The following SERGEF variants were observed in gnomAD, a reference collection of about 807,000 sequenced individuals.
SERGEF encodes the protein secretion-regulating guanine nucleotide exchange factor.
Under a neutral mutation model 50.0 loss-of-function variants are expected in SERGEF, and 51 were observed. The ratio of observed to expected loss-of-function variants is 1.02; its 90% confidence interval spans 0.81 to 1.29. The LOEUF is 1.29. Ranked by LOEUF, SERGEF falls within the 50% of genes most tolerant of loss-of-function variation. SERGEF has a pLI of 0.00. For synonymous variants in SERGEF, 205 were observed against 212.4 expected (o/e 0.97, Z 0.30); for missense variants, 521 against 557.0 (o/e 0.94, Z 0.65).
chr11:17,989,331 A>G (rs963381127), intron 7 of SERGEF, among the ~76,000 whole-genome samples: 1 of 152,212 alleles, frequency 6.6e-6, no homozygotes, highest in Non-Finnish European at 1.5e-5. Context: ...ATTTAACAGA[A>G]AGAGAACAAA....
rs114217292 is a variant in SERGEF, at chr11:17,823,195, C to T, written c.1049-34782G>A. Reference sequence around the variant, plus strand: ...TAGGATGTCCCTCAATTGAGTTTTTCTGATGTTTTACTCATAGTTAGACTG... The same window carrying T: ...TAGGATGTCCCTCAATTGAGTTTTTTTGATGTTTTACTCATAGTTAGACTG... On this transcript the variant is annotated intron_variant, in intron 10 of 10. Coordinates refer to ENST00000265965, the MANE Select transcript of SERGEF (RefSeq NM_012139.4). 7.5e-3 allele frequency among the ~76,000 whole-genome samples: 1,140 copies of T among 152,278 alleles called. 20 individuals are homozygous for T. Among genetic ancestry groups the T allele is most frequent in the African/African-American group, 0.026 (1,083 of 41,552 alleles).
chr11:18,007,870 G>T, intron 2 of SERGEF, 71 bp downstream of exon 2: 2 of 1,407,950 alleles, frequency 1.4e-6, no homozygotes, highest in South Asian at 1.4e-5. Flanking sequence ...GCTGAAAGAT[G>T]GCAATATCAT....
At chr11:17,992,862 T>C (rs369680261) in intron 7 of SERGEF, 69 bp downstream of exon 7, 89 of 1,295,554 alleles carry the variant, frequency 6.9e-5, no homozygotes, top group Admixed American at 1.2e-4. Context: ...TATTTCAATA[T>C]CACCACTTCA....
chr11:17,848,228 A>G (rs1850649461), intron 10 of SERGEF, among the ~76,000 whole-genome samples: 1 of 152,188 alleles, frequency 6.6e-6, no homozygotes, highest in South Asian at 2.1e-4. Context: ...CAAGTTACAA[A>G]TTTTATAGAA....
chr11:17,844,536 G>A (rs1452967999), intron 10 of SERGEF, among the ~76,000 whole-genome samples: 1 of 152,184 alleles, frequency 6.6e-6, no homozygotes, highest in Non-Finnish European at 1.5e-5. Flanking sequence ...CAAGGTACTG[G>A]TTCCCAGACT....
chr11:17,894,926 C>T (rs1173878351), intron 9 of SERGEF, among the ~76,000 whole-genome samples: 1 of 152,176 alleles, frequency 6.6e-6, no homozygotes, highest in Non-Finnish European at 1.5e-5. Context: ...GGAAAAGTTC[C>T]CTGGGTGATG....
At chr11:17,861,654 G>A (rs1850928754) in intron 10 of SERGEF, among the ~76,000 whole-genome samples, 1 of 152,260 alleles carries the variant, frequency 6.6e-6, no homozygotes, top group Admixed American at 6.5e-5. Flanking sequence ...GTGCCGCAAG[G>A]GCTACACTGT....
At chr11:17,855,295 T>C (rs1850797878) in intron 10 of SERGEF, 1 of 152,170 alleles carries the variant, frequency 6.6e-6, no homozygotes, top group Admixed American at 6.6e-5. Flanking sequence ...TTAAGGTAAT[T>C]TAAATTTCAT....
intron 9 of SERGEF, among the ~76,000 whole-genome samples, chr11:17,911,007 G>C (rs1851942188): frequency 6.6e-6 from 1 of 152,132 alleles, no homozygotes; most frequent in African/African-American, 2.4e-5. Context: ...AGTACTTCAA[G>C]ACTGTGGCAA....
In SERGEF at chr11:17,793,028, G is replaced by C. The variant is rs551510148; in HGVS notation, c.1049-4615C>G. Among the ~76,000 whole-genome samples the C allele has an allele frequency of 3.9e-5, 6 of 152,294 alleles. No individual in the cohort carries two copies. The East Asian group carries it at 1.2e-3, about 29-fold the overall frequency. Reference sequence around the variant, plus strand: ...TATGGCCTATGGACTACGCTATGCTGTCCTGGTCCCACCTTACCACACAAC... The same window carrying C: ...TATGGCCTATGGACTACGCTATGCTCTCCTGGTCCCACCTTACCACACAAC... On this transcript the variant is annotated intron_variant, in intron 10 of 10. Transcript: ENST00000265965.
At chr11:18,010,989 T>C (rs1439890352) in intron 1 of SERGEF, among the ~76,000 whole-genome samples, 4 of 152,142 alleles carry the variant, frequency 2.6e-5, no homozygotes, top group Admixed American at 1.3e-4. Flanking sequence ...GAGGTTCAAA[T>C]TACGGTACCA....
chr11:17,906,521 G>C (rs994028331), intron 9 of SERGEF, among the ~76,000 whole-genome samples: 5 of 152,134 alleles, frequency 3.3e-5, no homozygotes, highest in Non-Finnish European at 7.4e-5. Context: ...AGCTAAGTGG[G>C]GGTGGGGCGC....
chr11:17,849,679 T>G (rs1016600598), intron 10 of SERGEF, among the ~76,000 whole-genome samples: 1 of 152,222 alleles, frequency 6.6e-6, no homozygotes, highest in Admixed American at 6.5e-5. Flanking sequence ...CAATGCTGGT[T>G]GCTTTATATA....
At position 17,988,687 on chromosome 11, in the gene SERGEF, G is replaced by T; in HGVS notation, c.754C>A (p.Pro252Thr). ...TGTGCTTCTATTTTCTGGGGCACAG[G>T]AAGGAAAGCAGCCTCATTAGCCAGT... ...GQLANEAAFL[P>T]VPQKIEAHCF... Residue 252 changes from proline (P) to threonine (T), a missense_variant, in exon 8 of 11, where the codon CCT (proline) becomes ACT (threonine). Pro to Thr is a conservative substitution (Grantham distance 38). Transcript: ENST00000265965. 6.2e-7 allele frequency: 1 copy of T among 1,614,094 alleles called. No individual in the cohort carries two copies. The highest frequency in any genetic ancestry group is 8.5e-7 in the Non-Finnish European group (1 of 1,179,994).
chr11:17,989,018 T>C (rs1196306591), intron 7 of SERGEF, among the ~76,000 whole-genome samples: 1 of 152,220 alleles, frequency 6.6e-6, no homozygotes, highest in Non-Finnish European at 1.5e-5. Context: ...CTCTTCACTT[T>C]TTCATTCAAC....
At chr11:17,846,839 C>T (rs771934142) in intron 10 of SERGEF, 20 of 445,716 alleles carry the variant, frequency 4.5e-5, no homozygotes, top group Non-Finnish European at 7.7e-5. Flanking sequence ...ATAGATGAGC[C>T]TCCTAGTATG....
rs1852480808 is a variant in SERGEF at position 17,937,653 on chromosome 11, C to T, written c.1011+21817G>A. Among the ~76,000 whole-genome samples the T allele has an allele frequency of 2.0e-5, 3 of 152,112 alleles. No homozygotes were observed. The South Asian group carries it at 6.2e-4, about 32-fold the overall frequency. On this transcript the variant is annotated intron_variant, in intron 9 of 10. Transcript: ENST00000265965. ...TCCACAATTCTACAATAAGCATGCACACTTTCTATAACATGAAATTTAATA... is the reference window on the plus strand; with the variant it reads ...TCCACAATTCTACAATAAGCATGCATACTTTCTATAACATGAAATTTAATA...
intron 10 of SERGEF, among the ~76,000 whole-genome samples, chr11:17,835,380 A>T (rs1565180856): frequency 6.6e-6 from 1 of 152,108 alleles, no homozygotes. Flanking sequence ...GCTCCGTCTA[A>T]ATTCTGAGCC....
chr11:17,971,000 C>G (rs1232570968), intron 8 of SERGEF, among the ~76,000 whole-genome samples: 3 of 152,098 alleles, frequency 2.0e-5, no homozygotes, highest in African/African-American at 7.2e-5. Context: ...CAAGACCATC[C>G]TGGCTAACAT....
Sources: allele counts gnomAD v4.1 joint callset (sites outside exome capture counted in the v4.1 genomes callset), GRCh38; gene constraint gnomAD v4.1.1; transcripts MANE v1.5; gene names NCBI Gene and HGNC (gene_info 2026-07-23, HGNC 2026-07-21).